The following FAM151B variants were observed in gnomAD, a reference collection of about 807,000 sequenced individuals.
FAM151B encodes family with sequence similarity 151 member B.
A neutral mutation model predicts 31.2 loss-of-function variants in FAM151B; 24 were observed. The observed-to-expected ratio is 0.77, with a 90% confidence interval of 0.56 to 1.08. FAM151B has a LOEUF of 1.08. FAM151B is among the 50% of genes least tolerant of loss of function. FAM151B has a pLI of 0.00. For missense variants in FAM151B, 293 were observed against 328.6 expected (o/e 0.89, Z 0.84); for synonymous variants, 105 against 111.4 (o/e 0.94, Z 0.36).
At chr5:80,491,639 T>A (rs1224257838) in intron 1 of FAM151B, among the ~76,000 whole-genome samples, 1 of 152,206 alleles carries the variant, frequency 6.6e-6, no homozygotes, top group Non-Finnish European at 1.5e-5. Flanking sequence ...TTGCCCTGGC[T>A]GCATCCCTAG....
At chr5:80,490,516 T>G (rs1743280549) in intron 1 of FAM151B, among the ~76,000 whole-genome samples, 3 of 152,236 alleles carry the variant, frequency 2.0e-5, no homozygotes, top group African/African-American at 7.2e-5. Context: ...GTGCAACAAT[T>G]ACCACAATTA....
At chr5:80,495,256 A>G (rs1333531285) in intron 1 of FAM151B, 1 of 152,242 alleles carries the variant, frequency 6.6e-6, no homozygotes, top group Non-Finnish European at 1.5e-5. Context: ...GCATGCTTGC[A>G]TCTATTCTGC....
chr5:80,494,443 T>TTTTCTTTCTTTCTTTCTTTCTTTTC (rs869249722), intron 1 of FAM151B, among the ~76,000 whole-genome samples: 19 of 84,458 alleles, frequency 2.2e-4, no homozygotes, highest in African/African-American at 6.8e-4. Context: ...CTTTCTTTCT[T>TTTTCTTTCTTTCTTTCTTTCTTTTC]TTTCTTTCTT....
At chr5:80,540,116 C>T (rs1745811069) in intron 5 of FAM151B, among the ~76,000 whole-genome samples, 1 of 152,174 alleles carries the variant, frequency 6.6e-6, no homozygotes, top group Non-Finnish European at 1.5e-5. Context: ...TCAGATTCTA[C>T]CAACCATTAC....
chr5:80,498,709 T>C, intron 1 of FAM151B: 1 of 590,198 alleles, frequency 1.7e-6, no homozygotes, highest in Non-Finnish European at 3.2e-6. Context: ...TTCATCTTCT[T>C]TCTCTTGTGT....
intron 1 of FAM151B, among the ~76,000 whole-genome samples, chr5:80,495,631 C>A (rs1743503684): frequency 6.6e-6 from 1 of 152,142 alleles, no homozygotes; most frequent in East Asian, 1.9e-4. Context: ...GAGATTGAGA[C>A]CATCCTGGCT....
At chr5:80,518,075 G>GAAA (rs796173147) in intron 3 of FAM151B, among the ~76,000 whole-genome samples, 1 of 72,770 alleles carries the variant, frequency 1.4e-5, no homozygotes, top group South Asian at 4.9e-4. Flanking sequence ...CCATCTCAAA[G>GAAA]AAAAAAAAAA....
intron 3 of FAM151B, among the ~76,000 whole-genome samples, chr5:80,516,627 T>A (rs185533553): frequency 2.1e-4 from 32 of 152,348 alleles, no homozygotes; most frequent in African/African-American, 7.0e-4. Flanking sequence ...TCAGTAGTAG[T>A]CTCACCAGGA....
At chr5:80,539,637 G>A (rs6866596) in intron 5 of FAM151B, among the ~76,000 whole-genome samples, 1,677 of 151,994 alleles carry the variant, frequency 0.011, 25 homozygotes, top group African/African-American at 0.038. Flanking sequence ...GACTACAGGC[G>A]TGCGCCACCA....
chr5:80,500,931 C>T (rs972870090), intron 1 of FAM151B: 28 of 741,016 alleles, frequency 3.8e-5, no homozygotes, highest in Non-Finnish European at 6.6e-5. Flanking sequence ...GAAAACACTT[C>T]AAAGAAGCAA....
At chr5:80,538,472 T>TCTCTCTCTCTC (rs1745679471) in intron 5 of FAM151B, among the ~76,000 whole-genome samples, 1 of 116,624 alleles carries the variant, frequency 8.6e-6, no homozygotes, top group African/African-American at 3.8e-5. Context: ...CTTTCTTTCT[T>TCTCTCTCTCTC]TCTTTCTTTC....
chr5:80,528,292 G>T (rs1745061499), intron 5 of FAM151B, among the ~76,000 whole-genome samples: 1 of 151,918 alleles, frequency 6.6e-6, no homozygotes, highest in Non-Finnish European at 1.5e-5. Context: ...AAAGGAAGGG[G>T]GAAAAAAAGA....
chr5:80,494,734 G>A (rs1316747728), intron 1 of FAM151B, among the ~76,000 whole-genome samples: 2 of 151,802 alleles, frequency 1.3e-5, no homozygotes, highest in African/African-American at 4.8e-5. Context: ...AGCTGGTCTC[G>A]AACTCCTGGG....
At chr5:80,497,791 C>T (rs1282457764) in intron 1 of FAM151B, among the ~76,000 whole-genome samples, 6 of 79,790 alleles carry the variant, frequency 7.5e-5, no homozygotes, top group African/African-American at 1.1e-4. Flanking sequence ...CAGGGCCTGT[C>T]GTGGGGTAGG....
intron 2 of FAM151B, 81 bp from the exon 3 acceptor site, chr5:80,513,522 CA>C: frequency 7.5e-7 from 1 of 1,334,216 alleles, no homozygotes; most frequent in Non-Finnish European, 1.0e-6. Context: ...TTATCTTCCT[CA>C]AAAGGATACT....
intron 2 of FAM151B, among the ~76,000 whole-genome samples, chr5:80,505,085 A>G (rs575650260): frequency 3.0e-4 from 45 of 152,368 alleles, no homozygotes; most frequent in African/African-American, 1.0e-3. Flanking sequence ...GAGGGCTGGA[A>G]GCTGTTTGGA....
At chr5:80,538,573 C>T (rs1745711404) in intron 5 of FAM151B, among the ~76,000 whole-genome samples, 2 of 127,490 alleles carry the variant, frequency 1.6e-5, no homozygotes, top group South Asian at 5.1e-4. Flanking sequence ...TCCTTCCTTC[C>T]CTCCCTTCCT....
At position 80,522,200 on chromosome 5, in the gene FAM151B, A is replaced by G. The variant is rs1239500200; in HGVS notation, c.671+62A>G. On this transcript the variant is annotated intron_variant, in intron 5 of 5. Transcript: ENST00000282226. ...TATGAGAGACAGAGATAGAAAGGGC[A>G]TGAAAATTGATTATTTAAAGACAGT... 1.6e-5 allele frequency: 24 copies of G among 1,493,004 alleles called. 1 individual carries two copies. The highest frequency in any genetic ancestry group is 3.5e-4 in the Middle Eastern group (2 of 5,732). 92.5% of individuals were successfully genotyped at this position (1,493,004 alleles called of 1,614,324 possible). A position where few individuals can be genotyped will look rare whatever the true frequency, so the allele number is the denominator to read the frequency against.
chr5:80,514,110 GA>G (rs1171361027), intron 3 of FAM151B, among the ~76,000 whole-genome samples: 1 of 152,132 alleles, frequency 6.6e-6, no homozygotes, highest in African/African-American at 2.4e-5. Flanking sequence ...TACCCTATTT[GA>G]TTTATGTTAT....
Sources: allele counts gnomAD v4.1 joint callset (sites outside exome capture counted in the v4.1 genomes callset), GRCh38; gene constraint gnomAD v4.1.1; transcripts MANE v1.5; gene names NCBI Gene and HGNC (gene_info 2026-07-23, HGNC 2026-07-21).